Variants in MICAL3 observed in about 807,000 individuals in gnomAD.
The protein encoded by MICAL3 is [F-actin]-monooxygenase MICAL3.
A neutral mutation model predicts 207.4 loss-of-function variants in MICAL3; 62 were observed. The ratio of observed to expected loss-of-function variants is 0.30; its 90% CI spans 0.24 to 0.37. The LOEUF (loss-of-function observed/expected upper bound fraction) is 0.37, where lower values mean the gene tolerates loss of function less well. Ranked by LOEUF, MICAL3 falls within the 10% of genes least tolerant of loss-of-function variation. The pLI is 1.00. For synonymous variants in MICAL3, 1,077 were observed against 1,069.3 expected (o/e 1.01, Z -0.14); for missense variants, 2,368 against 2,635.6 (o/e 0.90, Z 2.22).
chr22:17,959,177 G>A (rs759818628), intron 1 of MICAL3, among the ~76,000 whole-genome samples: 3 of 151,236 alleles, frequency 2.0e-5, no homozygotes, highest in Non-Finnish European at 4.4e-5. Context: ...CACCACGCCC[G>A]GCTAATTTTT....
chr22:17,894,973 T>C (rs1200201566), intron 10 of MICAL3, among the ~76,000 whole-genome samples: 3 of 152,242 alleles, frequency 2.0e-5, no homozygotes, highest in Middle Eastern at 3.4e-3. Context: ...CAGGTGGAAG[T>C]TACCTCTCCT....
At chr22:17,804,054 C>T (rs1192119577) in intron 29 of MICAL3, among the ~76,000 whole-genome samples, 1 of 152,198 alleles carries the variant, frequency 6.6e-6, no homozygotes, top group Admixed American at 6.5e-5. Context: ...TCCACACATG[C>T]CGTATCTGCA....
At chr22:18,019,369 G>C (rs1164777315) in intron 1 of MICAL3, 3 of 155,890 alleles carry the variant, frequency 1.9e-5, no homozygotes, top group African/African-American at 7.2e-5. Flanking sequence ...TATCTATTAT[G>C]TCGGTTGGAA....
intron 1 of MICAL3, among the ~76,000 whole-genome samples, chr22:17,950,177 T>TTTTTTTTTG (rs60017550): frequency 6.6e-6 from 1 of 151,596 alleles, no homozygotes; most frequent in African/African-American, 2.4e-5. Context: ...TTTTTTTTTT[T>TTTTTTTTTG]GGAGACAAGA....
chr22:17,932,577 C>T (rs1433833180), intron 1 of MICAL3, among the ~76,000 whole-genome samples: 3 of 152,128 alleles, frequency 2.0e-5, no homozygotes, highest in Non-Finnish European at 4.4e-5. Flanking sequence ...AATTAATGGG[C>T]AAAATAACCA....
chr22:17,973,392 A>G (rs985725445), intron 1 of MICAL3, among the ~76,000 whole-genome samples: 2 of 152,196 alleles, frequency 1.3e-5, no homozygotes, highest in African/African-American at 4.8e-5. Context: ...TATGTAACTG[A>G]GCATATGATC....
chr22:17,921,345 T>C (rs1451479748), intron 1 of MICAL3, among the ~76,000 whole-genome samples: 1 of 152,228 alleles, frequency 6.6e-6, no homozygotes, highest in African/African-American at 2.4e-5. Context: ...CTCAAAATCA[T>C]CTTCGGAGAA....
intron 1 of MICAL3, among the ~76,000 whole-genome samples, chr22:17,960,663 C>T (rs1250757949): frequency 1.3e-5 from 2 of 151,990 alleles, no homozygotes; most frequent in Admixed American, 1.3e-4. Flanking sequence ...TGTCCCCGTC[C>T]GCTTAGGGAA....
intron 1 of MICAL3, among the ~76,000 whole-genome samples, chr22:17,974,568 T>C (rs892817048): frequency 1.3e-5 from 2 of 151,596 alleles, no homozygotes; most frequent in Non-Finnish European, 2.9e-5. Context: ...CTACTAAAAA[T>C]AAAAAATTAG....
Position 17,895,377 on chromosome 22 carries a change from G to GAC in MICAL3, c.1355_1356insGT (p.Pro453SerfsTer5), listed in dbSNP as rs1274413566. The GAC allele has an allele frequency of 6.2e-7, 1 of 1,613,554 alleles. No individual in the cohort carries two copies. The highest frequency in any genetic ancestry group is 2.2e-5 in the East Asian group (1 of 44,890). On this transcript the variant is annotated frameshift_variant, in exon 10 of 32. Transcript: ENST00000441493. LOFTEE classifies it high-confidence loss of function. ...TGAAGTTCTTACTCACATTCTCAGGGGTGGTCTGAGGCAGCAACCTGTAAA... is the reference window on the plus strand; with the variant it reads ...TGAAGTTCTTACTCACATTCTCAGGGACGTGGTCTGAGGCAGCAACCTGTAAA...
At chr22:17,948,928 T>A (rs1235011816) in intron 1 of MICAL3, among the ~76,000 whole-genome samples, 1 of 66,828 alleles carries the variant, frequency 1.5e-5, no homozygotes, top group Admixed American at 1.7e-4. Context: ...AAAAAAAAAT[T>A]GGCCAGCACG....
chr22:17,869,803 C>T (rs1270851794), intron 17 of MICAL3, among the ~76,000 whole-genome samples: 1 of 152,184 alleles, frequency 6.6e-6, no homozygotes, highest in Non-Finnish European at 1.5e-5. Context: ...GTTCTCTGAA[C>T]TCAGCTTCCT....
intron 16 of MICAL3, among the ~76,000 whole-genome samples, chr22:17,876,046 G>A (rs562082335): frequency 1.1e-3 from 164 of 152,320 alleles, no homozygotes; most frequent in African/African-American, 3.7e-3. Flanking sequence ...TTCTACAGAA[G>A]GGCCAGGAAT....
chr22:17,827,751 T>C lies in MICAL3; in HGVS notation c.3086A>G (p.His1029Arg). ...AGNQRLQQVM[H>R]AADPLEIQAD... Reference sequence around the variant, plus strand: ...CTGGATCTCCAGAGGATCCGCCGCGTGCATGACCTGCTGGAGCCTCTGGTT... The same window carrying C: ...CTGGATCTCCAGAGGATCCGCCGCGCGCATGACCTGCTGGAGCCTCTGGTT... The change falls in exon 22 of 32, where the codon CAC becomes CGC. Residue 1029 changes from histidine (H) to arginine (R), a missense_variant. His to Arg is a conservative substitution (Grantham distance 29, BLOSUM62 0). This residue lies in a region of MICAL3 where 1,770 missense variants were observed against 1,863.2 expected (regional missense o/e 0.95). Coordinates refer to ENST00000441493, the MANE Select transcript of MICAL3 (RefSeq NM_015241.3). The C allele has an allele frequency of 6.4e-7, 1 of 1,555,474 alleles. No homozygotes were observed. Among genetic ancestry groups the C allele is most frequent in the Non-Finnish European group, 8.7e-7 (1 of 1,149,772 alleles).
chr22:17,902,572 C>A lies in MICAL3; in HGVS notation c.589+59G>T. On this transcript the variant is annotated intron_variant, in intron 4 of 31. Transcript: ENST00000441493. The surrounding 1 kb of genome is among the most constrained non-coding windows in gnomAD (Gnocchi z 4.5). ...AGCCTTTGGTTTGCTCCCTCAATCT[C>A]ATCTTCCTCACCCATCAACACCCTC... 9.5e-7 allele frequency: 1 copy of A among 1,057,706 alleles called. No individual in the cohort carries two copies. The allele number at this position is 1,057,706 out of a possible 1,614,324, so 65.5% of individuals were successfully genotyped here. A position where few individuals can be genotyped will look rare whatever the true frequency, so the allele number is the denominator to read the frequency against.
chr22:17,968,298 C>CT (rs1424193261), intron 1 of MICAL3, among the ~76,000 whole-genome samples: 2 of 152,188 alleles, frequency 1.3e-5, no homozygotes, highest in African/African-American at 4.8e-5. Flanking sequence ...GGAGAAAAGC[C>CT]TAGCAACCTT....
intron 1 of MICAL3, among the ~76,000 whole-genome samples, chr22:17,942,590 G>A (rs141026577): frequency 3.8e-4 from 58 of 152,312 alleles, no homozygotes; most frequent in African/African-American, 1.2e-3. Context: ...GAAGACAGTC[G>A]CCAGCAGATC....
chr22:17,825,877 C>A (rs1358465438), intron 22 of MICAL3, among the ~76,000 whole-genome samples: 1 of 152,216 alleles, frequency 6.6e-6, no homozygotes, highest in Non-Finnish European at 1.5e-5. Context: ...GGAAGGACAA[C>A]TCAGGCTGCT....
intron 17 of MICAL3, 93 bp from the exon 18 acceptor site, chr22:17,866,105 C>CCAG: frequency 2.1e-6 from 2 of 959,738 alleles, no homozygotes; most frequent in Non-Finnish European, 3.3e-6. Flanking sequence ...TCCATCTCCT[C>CCAG]CAGCCTCACA....
Sources: gnomAD v4.1 joint callset for allele counts (sites outside exome capture counted in the v4.1 genomes callset) on GRCh38, gnomAD v4.1.1 for gene constraint, gnomAD v4.1.1 regional missense constraint, Gnocchi (gnomAD v3.1) non-coding constraint, MANE v1.5 for transcripts, NCBI Gene and HGNC (gene_info 2026-07-23, HGNC 2026-07-21) for gene names.